The following DCDC1 variants were observed in gnomAD, a reference collection of about 807,000 sequenced individuals.
The protein encoded by DCDC1 is doublecortin domain-containing protein 1.
DCDC1 carries 200 observed loss-of-function variants against 178.3 expected under a neutral mutation model. The ratio of observed to expected loss-of-function variants is 1.12; its 90% CI spans 1.00 to 1.26. The LOEUF (loss-of-function observed/expected upper bound fraction) is 1.26. Ranked by LOEUF, DCDC1 falls within the 50% of genes most tolerant of loss-of-function variation. The probability of loss-of-function intolerance (pLI) is 0.00; values close to 1 mark genes in which losing one functional copy is unlikely to be tolerated. For synonymous variants in DCDC1, 690 were observed against 604.8 expected (o/e 1.14, Z -2.07); for missense variants, 1,983 against 1,749.2 (o/e 1.13, Z -2.38).
chr11:31,031,067 T>G (rs922296467), intron 20 of DCDC1, among the ~76,000 whole-genome samples: 2 of 152,194 alleles, frequency 1.3e-5, no homozygotes, highest in Non-Finnish European at 2.9e-5. Flanking sequence ...TGATGAATTA[T>G]TTTCAGATTC....
At chr11:31,281,156 C>T (rs1946396460) in intron 7 of DCDC1, among the ~76,000 whole-genome samples, 1 of 152,040 alleles carries the variant, frequency 6.6e-6, no homozygotes, top group South Asian at 2.1e-4. Context: ...TATGTAGGTT[C>T]TTTAAGGTAT....
At chr11:31,061,932 C>T (rs1238184640) in intron 20 of DCDC1, among the ~76,000 whole-genome samples, 1 of 152,052 alleles carries the variant, frequency 6.6e-6, no homozygotes, top group Non-Finnish European at 1.5e-5. Context: ...ATATTCCTTT[C>T]TTCCAAAGTG....
At chr11:31,213,920 C>G (rs995903876) in intron 9 of DCDC1, among the ~76,000 whole-genome samples, 5 of 151,814 alleles carry the variant, frequency 3.3e-5, no homozygotes, top group Non-Finnish European at 7.4e-5. Context: ...GTACATGTAT[C>G]TACACATACA....
At chr11:30,876,436 G>T (rs1331025076) in intron 38 of DCDC1, among the ~76,000 whole-genome samples, 2 of 152,208 alleles carry the variant, frequency 1.3e-5, no homozygotes, top group Non-Finnish European at 2.9e-5. Flanking sequence ...TAAGCTAAAA[G>T]TGGCTATGAA....
At chr11:31,216,329 C>T (rs972618344) in intron 9 of DCDC1, among the ~76,000 whole-genome samples, 3 of 152,034 alleles carry the variant, frequency 2.0e-5, no homozygotes, top group African/African-American at 4.8e-5. Flanking sequence ...TACATACATA[C>T]AAAAACTTTG....
intron 12 of DCDC1, 101 bp downstream of exon 12, chr11:31,110,159 C>T: frequency 1.7e-6 from 1 of 604,006 alleles, no homozygotes; most frequent in Admixed American, 2.7e-5. Context: ...ATCAACAAAC[C>T]ATTGATCTTC....
chr11:30,948,537 T>C (rs887824937), intron 21 of DCDC1, among the ~76,000 whole-genome samples: 1 of 151,998 alleles, frequency 6.6e-6, no homozygotes. Flanking sequence ...AAAAGAGCCC[T>C]CATAGCCAAG....
At chr11:31,051,836 G>C (rs961301967) in intron 20 of DCDC1, among the ~76,000 whole-genome samples, 2 of 152,036 alleles carry the variant, frequency 1.3e-5, no homozygotes, top group East Asian at 3.9e-4. Context: ...TCTAAATCTT[G>C]AAACAAATCC....
intron 9 of DCDC1, among the ~76,000 whole-genome samples, chr11:31,230,682 G>T (rs922677785): frequency 1.3e-5 from 2 of 152,116 alleles, no homozygotes; most frequent in African/African-American, 2.4e-5. Context: ...CTATCTCAAA[G>T]AATTTAGAAA....
chr11:30,976,131 C>A (rs778703819), intron 20 of DCDC1, among the ~76,000 whole-genome samples: 11 of 152,036 alleles, frequency 7.2e-5, no homozygotes, highest in Non-Finnish European at 1.3e-4. Context: ...ATTCAATAAT[C>A]AGTTTTGGGA....
At chr11:31,141,045 A>C (rs966756155) in intron 9 of DCDC1, among the ~76,000 whole-genome samples, 4 of 152,154 alleles carry the variant, frequency 2.6e-5, no homozygotes, top group African/African-American at 9.7e-5. Flanking sequence ...CTAGAGGGGA[A>C]AATGGACTCA....
intron 9 of DCDC1, among the ~76,000 whole-genome samples, chr11:31,231,690 C>T (rs573368410): frequency 1.4e-5 from 2 of 146,068 alleles, no homozygotes; most frequent in Admixed American, 1.4e-4. Context: ...ACACAGATGA[C>T]TTCTTGGAGG....
intron 29 of DCDC1, among the ~76,000 whole-genome samples, chr11:30,907,284 A>G (rs1403281012): frequency 3.9e-5 from 6 of 152,244 alleles, no homozygotes; most frequent in African/African-American, 1.4e-4. Flanking sequence ...GTAAACTGGC[A>G]TCAATTTAAA....
intron 15 of DCDC1, among the ~76,000 whole-genome samples, chr11:31,095,646 G>A (rs1238696229): frequency 6.6e-6 from 1 of 152,064 alleles, no homozygotes; most frequent in African/African-American, 2.4e-5. Flanking sequence ...GGATGGATAG[G>A]GGGTACTGAA....
intron 9 of DCDC1, among the ~76,000 whole-genome samples, chr11:31,145,080 T>C (rs1180446308): frequency 1.3e-5 from 2 of 152,238 alleles, no homozygotes; most frequent in Admixed American, 1.3e-4. Flanking sequence ...TGATAGTTAA[T>C]AGTACCTATT....
At chr11:31,106,745 T>A in intron 13 of DCDC1, 52 bp downstream of exon 13, 1 of 740,182 alleles carries the variant, frequency 1.4e-6, no homozygotes, top group Non-Finnish European at 2.4e-6. Context: ...CGCTTTCAAA[T>A]TAGCTCTCCC....
intron 25 of DCDC1, among the ~76,000 whole-genome samples, chr11:30,919,213 A>G (rs1012393789): frequency 3.9e-5 from 6 of 152,124 alleles, no homozygotes; most frequent in Non-Finnish European, 8.8e-5. Context: ...TGCCAAGTAG[A>G]AGAGGTATAG....
chr11:31,081,750 T>C (rs920352986), intron 17 of DCDC1, among the ~76,000 whole-genome samples: 5 of 152,220 alleles, frequency 3.3e-5, no homozygotes, highest in Non-Finnish European at 7.3e-5. Context: ...TGTAGTCTTA[T>C]ATAATCTATA....
Position 31,165,833 on chromosome 11 carries a change from A to G in DCDC1, c.1222-28049T>C, listed in dbSNP as rs865789330. Among the ~76,000 whole-genome samples, 3 of 152,290 alleles carry G rather than the reference A, an allele frequency of 2.0e-5. No individual in the cohort carries two copies. In the South Asian group the frequency reaches 6.2e-4, roughly 32 times the overall value. ...TTAAAATAATTTGGGTTCTGCATGTAAAAATCTCTATAACAAGCTTGATTA... is the reference window on the plus strand; with the variant it reads ...TTAAAATAATTTGGGTTCTGCATGTGAAAATCTCTATAACAAGCTTGATTA... On this transcript the variant is annotated intron_variant, in intron 9 of 38. Transcript: ENST00000684477.
Sources: allele counts gnomAD v4.1 joint callset (sites outside exome capture counted in the v4.1 genomes callset), GRCh38; gene constraint gnomAD v4.1.1; transcripts MANE v1.5; gene names NCBI Gene and HGNC (gene_info 2026-07-23, HGNC 2026-07-21).